Variants in FKBP6 observed in about 807,000 individuals in gnomAD.
FKBP6 encodes inactive peptidyl-prolyl cis-trans isomerase FKBP6.
FKBP6 carries 29 observed loss-of-function variants against 41.7 expected under a neutral mutation model. That is an observed-to-expected ratio of 0.70 (90% confidence interval 0.52 to 0.95). FKBP6 has a LOEUF of 0.95. Among genes scored for constraint, FKBP6 ranks in the 40% least tolerant of loss-of-function variants. The probability of loss-of-function intolerance (pLI) is 0.00; values close to 1 mark genes in which losing one functional copy is unlikely to be tolerated. For missense variants in FKBP6, 338 were observed against 408.7 expected, an observed-to-expected ratio of 0.83 and a Z score of 1.49; for synonymous variants, 130 against 165.1, an observed-to-expected ratio of 0.79 and a Z score of 1.63.
intron 8 of FKBP6, among the ~76,000 whole-genome samples, chr7:73,355,934 C>T (rs1275535018): frequency 1.3e-5 from 2 of 151,672 alleles, no homozygotes; most frequent in East Asian, 3.9e-4. Flanking sequence ...AGTGTGGTAG[C>T]GGGCGCCTGT....
At chr7:73,348,238 A>G (rs1158614776) in intron 8 of FKBP6, among the ~76,000 whole-genome samples, 2 of 152,026 alleles carry the variant, frequency 1.3e-5, no homozygotes, top group Non-Finnish European at 2.9e-5. Flanking sequence ...CATTTCATCA[A>G]TCAAATATTT....
chr7:73,337,147 G>A (rs1805029505), intron 5 of FKBP6: 1 of 250,890 alleles, frequency 4.0e-6, no homozygotes, highest in African/African-American at 2.3e-5. Flanking sequence ...AGCTGGTGAT[G>A]TGAATGGGAG....
At chr7:73,357,777 G>A (rs1302566997) in intron 8 of FKBP6, among the ~76,000 whole-genome samples, 1 of 151,734 alleles carries the variant, frequency 6.6e-6, no homozygotes, top group Non-Finnish European at 1.5e-5. Context: ...TTGAGGTCAG[G>A]AATTCGAGAC....
intron 8 of FKBP6, among the ~76,000 whole-genome samples, chr7:73,357,466 G>T (rs1554552118): frequency 6.6e-6 from 1 of 151,576 alleles, no homozygotes; most frequent in Non-Finnish European, 1.5e-5. Flanking sequence ...AATCATGTTG[G>T]CTAGGCTGGT....
chr7:73,356,443 C>T (rs1439299484), intron 8 of FKBP6, among the ~76,000 whole-genome samples: 3 of 152,148 alleles, frequency 2.0e-5, no homozygotes, highest in African/African-American at 4.8e-5. Flanking sequence ...CCAGTTTGTT[C>T]TTGGTAGTGT....
At chr7:73,347,097 G>A (rs1334384241) in intron 8 of FKBP6, among the ~76,000 whole-genome samples, 1 of 152,184 alleles carries the variant, frequency 6.6e-6, no homozygotes, top group East Asian at 1.9e-4. Context: ...TTACCTACGC[G>A]TGGCTTTCAT....
chr7:73,333,914 A>T (rs1804924813), intron 5 of FKBP6, among the ~76,000 whole-genome samples: 1 of 152,200 alleles, frequency 6.6e-6, no homozygotes, highest in African/African-American at 2.4e-5. Flanking sequence ...TCTACTAAAA[A>T]TACAAAAATT....
intron 5 of FKBP6, among the ~76,000 whole-genome samples, chr7:73,335,831 G>C (rs943217169): frequency 6.6e-6 from 1 of 152,124 alleles, no homozygotes; most frequent in Non-Finnish European, 1.5e-5. Context: ...GCTTGTGTTG[G>C]AGTACTACCT....
chr7:73,331,659 G>A lies in FKBP6; in HGVS notation c.471G>A (p.Glu157=). 1 of 1,613,922 alleles carries A rather than the reference G, an allele frequency of 6.2e-7. No homozygotes were observed. Among genetic ancestry groups the A allele is most frequent in the Non-Finnish European group, 8.5e-7 (1 of 1,179,864 alleles). ...ATATTCCTGTCTCTGGTCCTCAGGA[G>A]CAGCAAGACCAATTTCCACTTCAGA... ...ESDKFCALSA[E]QQDQFPLQKV... Residue 157 remains glutamate, a splice_region_variant and synonymous_variant, in exon 5 of 9, where the codon GAG becomes GAA. Transcript: ENST00000252037.
In FKBP6 at chr7:73,330,147, C is replaced by A; in HGVS notation, c.266-3C>A. 1.9e-6 allele frequency: 3 copies of A among 1,611,258 alleles called. No homozygotes were observed. The highest frequency in any genetic ancestry group is 1.7e-5 in the Admixed American group (1 of 60,002). On this transcript the variant is annotated splice_region_variant and splice_polypyrimidine_tract_variant and intron_variant, in intron 3 of 8. Transcript: ENST00000252037. ...CACCCACCTTCTTTGTCCATTCTTA[C>A]AGATATTACACTGTGGGGCATGGAG... is the stretch of plus-strand genomic sequence containing the variant.
intron 5 of FKBP6, among the ~76,000 whole-genome samples, chr7:73,332,544 T>A (rs968959399): frequency 6.7e-6 from 1 of 150,220 alleles, no homozygotes; most frequent in Non-Finnish European, 1.5e-5. Context: ...GAGAGGGGAC[T>A]AACGGGGGGA....
At chr7:73,346,651 T>A (rs1239404946) in intron 8 of FKBP6, among the ~76,000 whole-genome samples, 1 of 152,078 alleles carries the variant, frequency 6.6e-6, no homozygotes, top group Non-Finnish European at 1.5e-5. Flanking sequence ...TGGGGACACA[T>A]TTAAAGTGGC....
Position 73,343,570 on chromosome 7 carries a change from C to T in FKBP6, c.*2+671C>T, listed in dbSNP as rs117301870. 3.4e-3 allele frequency among the ~76,000 whole-genome samples: 514 copies of T among 152,256 alleles called. 2 individuals are homozygous for T. The highest frequency in any genetic ancestry group is 0.014 in the Middle Eastern group (4 of 294). On this transcript the variant is annotated intron_variant, in intron 8 of 8. Coordinates refer to ENST00000252037, the MANE Select transcript of FKBP6 (RefSeq NM_003602.5). The stretch of plus-strand genomic sequence containing the variant: ...GATGGGCTGTGGCTCTTAAATTCTA[C>T]TTTCTATTAGACTTAGAGATTTGAA...
intron 8 of FKBP6, among the ~76,000 whole-genome samples, chr7:73,355,497 C>T (rs1805605050): frequency 1.3e-5 from 2 of 152,076 alleles, no homozygotes; most frequent in Admixed American, 1.3e-4. Context: ...TTGATCTCCC[C>T]CCATCTGCAT....
At chr7:73,350,864 C>T (rs186565562) in intron 8 of FKBP6, among the ~76,000 whole-genome samples, 3 of 152,070 alleles carry the variant, frequency 2.0e-5, no homozygotes, top group Non-Finnish European at 4.4e-5. Flanking sequence ...TCCTGTGACC[C>T]GGCTGTCCTG....
In FKBP6 at chr7:73,340,769, C is replaced by G. The variant is rs782143062; in HGVS notation, c.720C>G (p.Cys240Trp). The G allele has an allele frequency of 6.2e-7, 1 of 1,614,044 alleles. No individual in the cohort carries two copies. The highest frequency in any genetic ancestry group is 1.7e-5 in the Admixed American group (1 of 60,008). The change falls in exon 6 of 9, where the codon TGC becomes TGG. Residue 240 changes from cysteine (C) to tryptophan (W), a missense_variant. By Grantham distance (215) the Cys-to-Trp change is radical. Transcript: ENST00000252037. ...LKLDRPTIAL[C>W]YGEQALIIDQ... The stretch of plus-strand genomic sequence containing the variant: ...TAGACCGACCCACCATAGCCCTGTG[C>G]TATGGAGAGCAGGCTTTGATCATTG...
chr7:73,342,916 G>C lies in FKBP6; in HGVS notation c.*2+17G>C. The C allele has an allele frequency of 1.3e-6, 2 of 1,570,102 alleles. No homozygotes were observed. Among genetic ancestry groups the C allele is most frequent in the South Asian group, 1.1e-5 (1 of 90,192 alleles). On this transcript the variant is annotated intron_variant, in intron 8 of 8. Coordinates refer to ENST00000252037, the MANE Select transcript of FKBP6 (RefSeq NM_003602.5). ...AAGTTGAAGGTAATCAAAGGGCCAG[G>C]GTGGCACACAGGCTTCCGGATGGAG...
At chr7:73,330,811 A>T (rs1247916868) in intron 4 of FKBP6, among the ~76,000 whole-genome samples, 1 of 152,114 alleles carries the variant, frequency 6.6e-6, no homozygotes, top group African/African-American at 2.4e-5. Context: ...TCCCAGGCAA[A>T]CTGGGATGTA....
intron 3 of FKBP6, chr7:73,329,944 G>A (rs1484222829): frequency 4.8e-6 from 3 of 618,944 alleles, no homozygotes; most frequent in South Asian, 1.9e-5. Flanking sequence ...GGAAGTGGGG[G>A]CATTTGAACT....
Sources: gnomAD v4.1 joint callset for allele counts (sites outside exome capture counted in the v4.1 genomes callset) on GRCh38, gnomAD v4.1.1 for gene constraint, MANE v1.5 for transcripts, NCBI Gene and HGNC (gene_info 2026-07-23, HGNC 2026-07-21) for gene names.